Variants in SDK1 observed in about 807,000 individuals in gnomAD.
SDK1 encodes sidekick cell adhesion molecule 1.
SDK1 carries 157 observed loss-of-function variants against 245.5 expected under a neutral mutation model. The ratio of observed to expected loss-of-function variants is 0.64; its 90% CI spans 0.56 to 0.73. The LOEUF (loss-of-function observed/expected upper bound fraction) is 0.73, where lower values mean the gene tolerates loss of function less well. Ranked by LOEUF, SDK1 falls within the 30% of genes least tolerant of loss-of-function variation. The probability of loss-of-function intolerance (pLI) is 0.00; values close to 1 mark genes in which losing one functional copy is unlikely to be tolerated. For synonymous variants in SDK1, 1,647 were observed against 1,278.5 expected, an observed-to-expected ratio of 1.29 and a Z score of -6.15; for missense variants, 3,583 against 3,002.3, an observed-to-expected ratio of 1.19 and a Z score of -4.52.
intron 40 of SDK1, among the ~76,000 whole-genome samples, chr7:4,232,407 CTTTCTTTT>C (rs1785846348): frequency 2.7e-5 from 2 of 73,190 alleles, no homozygotes; most frequent in African/African-American, 1.2e-4. Context: ...CTTTTCTTTT[CTTTCTTTT>C]TTTTTTTTTT....
At chr7:3,383,918 T>C (rs574385379) in intron 1 of SDK1, among the ~76,000 whole-genome samples, 40 of 152,330 alleles carry the variant, frequency 2.6e-4, no homozygotes, top group Admixed American at 2.2e-3. Context: ...GTCAATCTTA[T>C]GGGTCACAAC....
At position 4,268,497 on chromosome 7, in the gene SDK1, C is replaced by T. The variant is rs1788608194; in HGVS notation, c.*3113C>T. ...TGCTGTAGCCAAAAAACGAGGGGCC[C>T]CAGGGAGAGGGGACCCAGATGGCCA... is the stretch of plus-strand genomic sequence containing the variant. On this transcript the variant is annotated 3_prime_UTR_variant, in exon 45 of 45. Coordinates refer to ENST00000404826, the MANE Select transcript of SDK1 (RefSeq NM_152744.4). 2 of 1,188,780 alleles carry T rather than the reference C, an allele frequency of 1.7e-6. No individual in the cohort carries two copies. Among genetic ancestry groups the T allele is most frequent in the Middle Eastern group, 3.2e-4 (1 of 3,100 alleles). 73.6% of individuals were successfully genotyped at this position (1,188,780 alleles called of 1,614,324 possible).
intron 5 of SDK1, among the ~76,000 whole-genome samples, chr7:3,835,263 C>T (rs1272096683): frequency 6.6e-6 from 1 of 152,154 alleles, no homozygotes; most frequent in African/African-American, 2.4e-5. Context: ...GAAGGCGTGT[C>T]CACATGCATT....
chr7:3,435,709 C>G (rs1780002557), intron 1 of SDK1, among the ~76,000 whole-genome samples: 1 of 152,062 alleles, frequency 6.6e-6, no homozygotes, highest in Admixed American at 6.5e-5. Context: ...CTCTATCCTA[C>G]TTTACATGCC....
chr7:4,220,233 C>G lies in SDK1; in HGVS notation c.5664C>G (p.Pro1888=), dbSNP rs111871128. 8 of 1,613,674 alleles carry G rather than the reference C, an allele frequency of 5.0e-6. No homozygotes were observed. In the African/African-American group the frequency reaches 6.7e-5, roughly 13 times the overall value. The change falls in exon 39 of 45, where the codon CCC becomes CCG. Residue 1888 remains proline (P), a synonymous_variant. Coordinates refer to ENST00000404826, the MANE Select transcript of SDK1 (RefSeq NM_152744.4). ...AAGCGCGGACCATCACCTACGGGCC[C>G]GAGCTCCAAGCCAATATCACAGCCG... ...RVQARTITYG[P]ELQANITAGP...
chr7:4,227,231 G>C (rs1327219417), intron 40 of SDK1: 1 of 350,472 alleles, frequency 2.9e-6, no homozygotes, highest in Non-Finnish European at 5.7e-6. Flanking sequence ...CCATGGCTCT[G>C]ATGGTGCCCG....
At chr7:3,699,415 C>T (rs1290739659) in intron 4 of SDK1, among the ~76,000 whole-genome samples, 1 of 151,880 alleles carries the variant, frequency 6.6e-6, no homozygotes, top group Non-Finnish European at 1.5e-5. Context: ...TCAAAGCAAT[C>T]GAAAGTCTCA....
At position 4,265,380 on chromosome 7, in the gene SDK1, T is replaced by C. The variant is rs1229734725; in HGVS notation, c.6638T>C (p.Val2213Ala). The C allele has an allele frequency of 5.6e-6, 8 of 1,435,442 alleles. No homozygotes were observed. Among genetic ancestry groups the C allele is most frequent in the Non-Finnish European group, 6.3e-6 (7 of 1,106,464 alleles). The allele number at this position is 1,435,442 out of a possible 1,614,324, so 88.9% of individuals were successfully genotyped here. A position where few individuals can be genotyped will look rare whatever the true frequency, so the allele number is the denominator to read the frequency against. Reference protein sequence around the residue: ...RTPLTGFSSFV With the variant: ...RTPLTGFSSFA ...CCGCTCACCGGCTTCTCCTCCTTCGTGTGAGCAAAGCGCCGCGCCTCCCTC... is the reference window on the plus strand; with the variant it reads ...CCGCTCACCGGCTTCTCCTCCTTCGCGTGAGCAAAGCGCCGCGCCTCCCTC... The change falls in exon 45 of 45, where the codon GTG becomes GCG. Residue 2213 changes from valine to alanine, a missense_variant. Val to Ala is a moderately conservative substitution (Grantham distance 64, BLOSUM62 0). Coordinates refer to ENST00000404826, the MANE Select transcript of SDK1 (RefSeq NM_152744.4).
At chr7:3,835,561 C>G (rs893776188) in intron 5 of SDK1, among the ~76,000 whole-genome samples, 1 of 152,106 alleles carries the variant, frequency 6.6e-6, no homozygotes, top group African/African-American at 2.4e-5. Context: ...CCTCTCACCC[C>G]CCTTCTATGT....
intron 3 of SDK1, 57 bp downstream of exon 3, chr7:3,639,167 T>C: frequency 1.1e-6 from 1 of 898,694 alleles, no homozygotes; most frequent in South Asian, 1.8e-5. Flanking sequence ...CGCTGGGGAG[T>C]CAATCAGAAT....
intron 2 of SDK1, among the ~76,000 whole-genome samples, chr7:3,627,280 TC>T (rs796221316): frequency 2.9e-4 from 44 of 152,252 alleles, no homozygotes; most frequent in African/African-American, 9.6e-4. Context: ...TGTGGCTACT[TC>T]CAGGTGATGT....
intron 1 of SDK1, among the ~76,000 whole-genome samples, chr7:3,356,673 A>C (rs1334651489): frequency 1.3e-5 from 2 of 152,176 alleles, no homozygotes; most frequent in African/African-American, 4.8e-5. Context: ...AAACTTTTTC[A>C]ATTTTTGCAA....
chr7:3,681,751 A>G (rs1459023582), intron 4 of SDK1, among the ~76,000 whole-genome samples: 1 of 152,214 alleles, frequency 6.6e-6, no homozygotes, highest in African/African-American at 2.4e-5. Context: ...AATACATTGA[A>G]TCTATGAATG....
chr7:4,003,554 A>G (rs750163397), intron 14 of SDK1, among the ~76,000 whole-genome samples: 1 of 152,138 alleles, frequency 6.6e-6, no homozygotes, highest in African/African-American at 2.4e-5. Context: ...GATTTGTCTG[A>G]TGTTCTTCTC....
chr7:3,932,974 C>A (rs1236865869), intron 5 of SDK1, among the ~76,000 whole-genome samples: 1 of 152,050 alleles, frequency 6.6e-6, no homozygotes, highest in East Asian at 1.9e-4. Context: ...AGTGAATCCC[C>A]AAAGAGGCTG....
At chr7:3,460,053 A>T (rs1780786882) in intron 1 of SDK1, among the ~76,000 whole-genome samples, 1 of 152,168 alleles carries the variant, frequency 6.6e-6, no homozygotes, top group Non-Finnish European at 1.5e-5. Context: ...TTTGAAGTCT[A>T]TTTTATTGTT....
chr7:4,086,829 A>C (rs1485746473), intron 22 of SDK1, among the ~76,000 whole-genome samples: 1 of 152,100 alleles, frequency 6.6e-6, no homozygotes, highest in African/African-American at 2.4e-5. Context: ...GGCCTCATTC[A>C]GCCTCAAGCT....
chr7:3,979,828 C>T (rs1247353929), intron 13 of SDK1, among the ~76,000 whole-genome samples: 1 of 152,160 alleles, frequency 6.6e-6, no homozygotes, highest in Non-Finnish European at 1.5e-5. Context: ...GCTCCTAAGG[C>T]CTTATGGATT....
chr7:3,942,899 C>G (rs1207142520), intron 5 of SDK1, among the ~76,000 whole-genome samples: 2 of 152,176 alleles, frequency 1.3e-5, no homozygotes, highest in Admixed American at 6.6e-5. Flanking sequence ...ATGCCTGAGT[C>G]TCATGGCTCA....
Sources: gnomAD v4.1 joint callset for allele counts (sites outside exome capture counted in the v4.1 genomes callset) on GRCh38, gnomAD v4.1.1 for gene constraint, MANE v1.5 for transcripts, NCBI Gene and HGNC (gene_info 2026-07-23, HGNC 2026-07-21) for gene names.